DNMT3A: variants seen among roughly 807,000 people sequenced by gnomAD.
DNMT3A encodes DNA methyltransferase 3 alpha, also known as DNA (cytosine-5)-methyltransferase 3A.
DNMT3A carries 267 observed loss-of-function variants against 117.6 expected under a neutral mutation model. The observed-to-expected ratio is 2.27, with a 90% CI of 2.05 to 2.51. The LOEUF (loss-of-function observed/expected upper bound fraction) is 2.51. DNMT3A is among the 30% of genes most tolerant of loss of function. The pLI is 0.00. For synonymous variants in DNMT3A, 432 were observed against 474.8 expected, an observed-to-expected ratio of 0.91 and a Z score of 1.17; for missense variants, 1,029 against 1,260.2, an observed-to-expected ratio of 0.82 and a Z score of 2.78.
At chr2:25,260,826 T>C (rs1212230618) in intron 6 of DNMT3A, among the ~76,000 whole-genome samples, 1 of 151,930 alleles carries the variant, frequency 6.6e-6, no homozygotes, top group East Asian at 1.9e-4. Context: ...AGGGAGTTGA[T>C]GGAAGTCAGA....
At position 25,272,977 on chromosome 2, in the gene DNMT3A, A is replaced by ATTTTTTTTTTTTTTTTTT. The variant is rs70947875; in HGVS notation, c.639+1963_639+1964insAAAAAAAAAAAAAAAAAA. On this transcript the variant is annotated intron_variant, in intron 6 of 22. Transcript: ENST00000321117. ...CCACCACACCTGGCTAATTGTTTGT[A>ATTTTTTTTTTTTTTTTTT]TTTTTTTTTTTTTTGAGACAGAGTT... Among the ~76,000 whole-genome samples, 4 of 106,490 alleles carry ATTTTTTTTTTTTTTTTTT rather than the reference A, an allele frequency of 3.8e-5. 1 individual carries two copies. Among genetic ancestry groups the ATTTTTTTTTTTTTTTTTT allele is most frequent in the African/African-American group, 1.3e-4 (3 of 23,330 alleles). The allele number at this position is 106,490 out of a possible 152,430, so 69.9% of individuals were successfully genotyped here. A position where few individuals can be genotyped will look rare whatever the true frequency, so the allele number is the denominator to read the frequency against.
In DNMT3A at chr2:25,257,067, G is replaced by T. The variant is rs531320884; in HGVS notation, c.640-8815C>A. Among the ~76,000 whole-genome samples the T allele has an allele frequency of 6.6e-6, 1 of 152,218 alleles. No individual in the cohort carries two copies. The highest frequency in any genetic ancestry group is 1.5e-5 in the Non-Finnish European group (1 of 68,038). On this transcript the variant is annotated intron_variant, in intron 6 of 22. Transcript: ENST00000321117. The surrounding 1 kb of genome is among the most constrained non-coding windows in gnomAD (Gnocchi z 4.8). ...ACGAGGTCCCAGTCTACCAAAAGAGGCTGGGAATCTTTGTTTTCCTATTCC... is the reference window on the plus strand; with the variant it reads ...ACGAGGTCCCAGTCTACCAAAAGAGTCTGGGAATCTTTGTTTTCCTATTCC...
At chr2:25,248,471 G>A (rs1675129313) in intron 6 of DNMT3A, among the ~76,000 whole-genome samples, 1 of 152,176 alleles carries the variant, frequency 6.6e-6, no homozygotes, top group South Asian at 2.1e-4. Context: ...TGCCTTTTAG[G>A]AAACCTTCCT....
In DNMT3A at chr2:25,237,914, T is replaced by C. The variant is rs1673546898; in HGVS notation, c.2409-909A>G. On this transcript the variant is annotated intron_variant, in intron 20 of 22. Coordinates refer to ENST00000321117, the MANE Select transcript of DNMT3A (RefSeq NM_022552.5). This position sits in a 1 kb window ranked among gnomAD's most constrained non-coding sequence, Gnocchi z 5.4. ...ACCTTTTCTGACATGTAAGGATATT[T>C]AAGGAAGGCTTCCCTGAGCACTGGC... Among the ~76,000 whole-genome samples, 1 of 152,236 alleles carries C rather than the reference T, an allele frequency of 6.6e-6. No homozygotes were observed. Among genetic ancestry groups the C allele is most frequent in the Non-Finnish European group, 1.5e-5 (1 of 68,034 alleles).
chr2:25,255,752 T>C (rs1676049200), intron 6 of DNMT3A, among the ~76,000 whole-genome samples: 1 of 152,246 alleles, frequency 6.6e-6, no homozygotes. Context: ...TGTCCTGTTA[T>C]CAATTGGTAA....
intron 2 of DNMT3A, among the ~76,000 whole-genome samples, chr2:25,308,745 G>A (rs1033536993): frequency 5.3e-5 from 8 of 152,308 alleles, no homozygotes; most frequent in Non-Finnish European, 1.2e-4. Context: ...GCATCTGAGT[G>A]CAAGAAAGGC....
chr2:25,254,807 C>T lies in DNMT3A; in HGVS notation c.640-6555G>A, dbSNP rs977571020. 2.0e-5 allele frequency among the ~76,000 whole-genome samples: 3 copies of T among 152,190 alleles called. No homozygotes were observed. The highest frequency in any genetic ancestry group is 2.1e-4 in the South Asian group (1 of 4,828). ...CGATACCCGCTCTTCCATTATAATG[C>T]GGCTAAACACCTTAGACTCCACATT... On this transcript the variant is annotated intron_variant, in intron 6 of 22. Coordinates refer to ENST00000321117, the MANE Select transcript of DNMT3A (RefSeq NM_022552.5). This position sits in a 1 kb window ranked among gnomAD's most constrained non-coding sequence, Gnocchi z 4.7.
rs955513570 is a variant in DNMT3A, at chr2:25,232,912, G to T, written c.*1367C>A. The T allele has an allele frequency of 8.7e-6, 2 of 230,464 alleles. No homozygotes were observed. The highest frequency in any genetic ancestry group is 1.7e-5 in the Non-Finnish European group (2 of 116,368). The allele number at this position is 230,464 out of a possible 1,614,324, so 14.3% of individuals were successfully genotyped here. A position where few individuals can be genotyped will look rare whatever the true frequency, so the allele number is the denominator to read the frequency against. The stretch of plus-strand genomic sequence containing the variant: ...GGCCGGGAGCCGCCTTGTGCACAGA[G>T]GGGTGGATGGTGGGGGCCTCATAAA... On this transcript the variant is annotated 3_prime_UTR_variant, in exon 23 of 23. Coordinates refer to ENST00000321117, the MANE Select transcript of DNMT3A (RefSeq NM_022552.5). This position sits in a 1 kb window ranked among gnomAD's most constrained non-coding sequence, Gnocchi z 4.1.
chr2:25,327,184 C>A lies in DNMT3A; in HGVS notation c.-177-13023G>T, dbSNP rs1181220062. Among the ~76,000 whole-genome samples the A allele has an allele frequency of 2.0e-5, 3 of 152,178 alleles. No homozygotes were observed. Among genetic ancestry groups the A allele is most frequent in the Non-Finnish European group, 2.9e-5 (2 of 68,024 alleles). On this transcript the variant is annotated intron_variant, in intron 1 of 22. Transcript: ENST00000321117. The surrounding 1 kb of genome is among the most constrained non-coding windows in gnomAD (Gnocchi z 4.1). ...GTATTCTTTGGAGTTATTTTTACTT[C>A]TTACTAGCCAATTCCTCATTATTCC...
intron 1 of DNMT3A, among the ~76,000 whole-genome samples, chr2:25,320,998 G>T (rs962350552): frequency 6.6e-6 from 1 of 152,122 alleles, no homozygotes; most frequent in Non-Finnish European, 1.5e-5. Context: ...CAGGCATGAT[G>T]GTGCATTCCT....
chr2:25,238,241 C>G (rs1673582365), intron 20 of DNMT3A, among the ~76,000 whole-genome samples: 1 of 152,150 alleles, frequency 6.6e-6, no homozygotes, highest in Admixed American at 6.5e-5. Context: ...GCCAGCTGCC[C>G]CAATGCCCCA....
intron 1 of DNMT3A, among the ~76,000 whole-genome samples, chr2:25,333,778 T>C (rs1026614430): frequency 1.3e-5 from 2 of 152,214 alleles, no homozygotes; most frequent in African/African-American, 4.8e-5. Flanking sequence ...GGCATAGTGC[T>C]AGCTGTTTCA....
chr2:25,240,585 A>C, intron 18 of DNMT3A, 55 bp downstream of exon 18: 1 of 1,607,948 alleles, frequency 6.2e-7, no homozygotes, highest in Non-Finnish European at 8.5e-7. Flanking sequence ...CCAAGGAGGA[A>C]GCCTATGTGC....
At position 25,254,370 on chromosome 2, in the gene DNMT3A, G is replaced by C. The variant is rs920216829; in HGVS notation, c.640-6118C>G. On this transcript the variant is annotated intron_variant, in intron 6 of 22. Coordinates refer to ENST00000321117, the MANE Select transcript of DNMT3A (RefSeq NM_022552.5). The surrounding 1 kb of genome is among the most constrained non-coding windows in gnomAD (Gnocchi z 4.7). ...CATCAGAGCAAGCAAACCCTGAAGA[G>C]CAAGGACCCCAAACCAGAGAGCCTT... Among the ~76,000 whole-genome samples, 5 of 152,054 alleles carry C rather than the reference G, an allele frequency of 3.3e-5. No homozygotes were observed. Among genetic ancestry groups the C allele is most frequent in the African/African-American group, 1.2e-4 (5 of 41,382 alleles).
intron 6 of DNMT3A, chr2:25,249,605 T>C: frequency 6.2e-7 from 1 of 1,609,896 alleles, no homozygotes. Context: ...ACCAACAAAT[T>C]AATAAGCCAA....
chr2:25,232,520 G>A lies in DNMT3A; in HGVS notation c.*1759C>T, dbSNP rs752208. On this transcript the variant is annotated 3_prime_UTR_variant, in exon 23 of 23. Transcript: ENST00000321117. This position sits in a 1 kb window ranked among gnomAD's most constrained non-coding sequence, Gnocchi z 4.1. ...CACACACACAAGGAGAGAGACGGCC[G>A]GTCCTCCCTCCAGCCCTGACACACC... 32,828 of 152,338 alleles carry A rather than the reference G, an allele frequency of 0.22. 3,881 individuals are homozygous for A. Among genetic ancestry groups the A allele is most frequent in the Middle Eastern group, 0.29 (85 of 296 alleles). 9.4% of individuals were successfully genotyped at this position (152,338 alleles called of 1,614,324 possible). A position where few individuals can be genotyped will look rare whatever the true frequency, so the allele number is the denominator to read the frequency against.
chr2:25,320,477 T>C (rs1402279202), intron 1 of DNMT3A, among the ~76,000 whole-genome samples: 3 of 151,904 alleles, frequency 2.0e-5, no homozygotes, highest in Non-Finnish European at 2.9e-5. Context: ...TTGTACCCCA[T>C]AGAGATGCAC....
At chr2:25,291,758 T>A (rs1016525819) in intron 3 of DNMT3A, among the ~76,000 whole-genome samples, 1 of 152,228 alleles carries the variant, frequency 6.6e-6, no homozygotes, top group African/African-American at 2.4e-5. Context: ...TGCAAAGCCT[T>A]AGAGGTCACT....
intron 1 of DNMT3A, among the ~76,000 whole-genome samples, chr2:25,319,053 C>T (rs576128444): frequency 2.8e-5 from 4 of 141,112 alleles, no homozygotes; most frequent in Non-Finnish European, 4.6e-5. Context: ...CTTGCTCTGT[C>T]GCCCAGGCTG....
Sources: gnomAD v4.1 joint callset for allele counts (sites outside exome capture counted in the v4.1 genomes callset) on GRCh38, gnomAD v4.1.1 for gene constraint, Gnocchi (gnomAD v3.1) non-coding constraint, MANE v1.5 for transcripts, NCBI Gene and HGNC (gene_info 2026-07-23, HGNC 2026-07-21) for gene names.